Variants in PPP2R3A observed in about 807,000 individuals in gnomAD.
The protein encoded by PPP2R3A is serine/threonine-protein phosphatase 2A regulatory subunit B'' subunit alpha.
Under a neutral mutation model 106.9 loss-of-function variants are expected in PPP2R3A, and 80 were observed. The ratio of observed to expected loss-of-function variants is 0.75; its 90% CI spans 0.62 to 0.90. PPP2R3A has a LOEUF of 0.90. PPP2R3A is among the 40% of genes least tolerant of loss of function. The pLI is 0.00. For synonymous variants in PPP2R3A, 483 were observed against 468.3 expected (o/e 1.03, Z -0.41); for missense variants, 1,386 against 1,350.4 (o/e 1.03, Z -0.41).
intron 2 of PPP2R3A, among the ~76,000 whole-genome samples, chr3:136,004,109 A>G (rs1299472438): frequency 6.6e-6 from 1 of 152,248 alleles, no homozygotes; most frequent in Non-Finnish European, 1.5e-5. Flanking sequence ...CTAAAGGGTA[A>G]GATTTGATTC....
intron 1 of PPP2R3A, among the ~76,000 whole-genome samples, chr3:135,978,607 G>A (rs919156582): frequency 6.6e-6 from 1 of 151,402 alleles, no homozygotes; most frequent in Non-Finnish European, 1.5e-5. Flanking sequence ...TTCATTTATT[G>A]GTAATAAAAA....
intron 10 of PPP2R3A, among the ~76,000 whole-genome samples, chr3:136,091,927 C>A (rs147946543): frequency 6.6e-6 from 1 of 152,160 alleles, no homozygotes; most frequent in Non-Finnish European, 1.5e-5. Context: ...AGATTTTGAA[C>A]TGTTTGTTAC....
chr3:136,092,971 C>G (rs1335453523), intron 10 of PPP2R3A, among the ~76,000 whole-genome samples: 5 of 152,038 alleles, frequency 3.3e-5, no homozygotes, highest in African/African-American at 4.8e-5. Context: ...GATCACAGCC[C>G]AAAATGTATG....
At chr3:136,143,406 G>C (rs1230920159) in intron 13 of PPP2R3A, among the ~76,000 whole-genome samples, 1 of 151,254 alleles carries the variant, frequency 6.6e-6, no homozygotes, top group Admixed American at 6.6e-5. Flanking sequence ...CAGGAGAATT[G>C]CTTGAACCCA....
intron 1 of PPP2R3A, among the ~76,000 whole-genome samples, chr3:135,977,606 GAGCATA>G (rs1937451101): frequency 6.7e-6 from 1 of 149,074 alleles, no homozygotes; most frequent in Non-Finnish European, 1.5e-5. Flanking sequence ...ATAAGTTAAA[GAGCATA>G]AAAAATATAA....
At chr3:135,992,941 G>A in intron 1 of PPP2R3A, among the ~76,000 whole-genome samples, 1 of 152,156 alleles carries the variant, frequency 6.6e-6, no homozygotes. Flanking sequence ...TGGAGAACCA[G>A]CCAAATATGT....
chr3:135,989,918 T>C (rs187781549), intron 1 of PPP2R3A, among the ~76,000 whole-genome samples: 3 of 152,324 alleles, frequency 2.0e-5, no homozygotes, highest in Admixed American at 2.0e-4. Context: ...TATGTGTATA[T>C]GTATATTTAA....
chr3:136,082,228 T>C, intron 7 of PPP2R3A, 37 bp from the exon 8 acceptor site: 3 of 1,527,662 alleles, frequency 2.0e-6, no homozygotes, highest in Non-Finnish European at 2.7e-6. Context: ...AGCTGCTTTT[T>C]CATAATGTTT....
chr3:135,967,102 A>G (rs537138668), intron 1 of PPP2R3A, among the ~76,000 whole-genome samples: 1 of 152,010 alleles, frequency 6.6e-6, no homozygotes, highest in Non-Finnish European at 1.5e-5. Flanking sequence ...TACACACACA[A>G]TTTATTTACA....
chr3:135,993,454 A>G (rs1444541486), intron 1 of PPP2R3A, among the ~76,000 whole-genome samples: 7 of 152,228 alleles, frequency 4.6e-5, no homozygotes, highest in Non-Finnish European at 1.5e-5. Flanking sequence ...AGGGTATAAA[A>G]TGGTAGAACC....
intron 2 of PPP2R3A, among the ~76,000 whole-genome samples, chr3:136,014,833 T>A (rs982270362): frequency 5.3e-5 from 8 of 152,180 alleles, no homozygotes; most frequent in African/African-American, 1.7e-4. Context: ...TCTTGCCTGA[T>A]TGCTCTGACT....
rs913181251 is a variant in PPP2R3A, at chr3:136,103,269, C to T, written c.3115C>T (p.Leu1039=). 6.3e-7 allele frequency: 1 copy of T among 1,597,432 alleles called. No individual in the cohort carries two copies. The highest frequency in any genetic ancestry group is 8.6e-7 in the Non-Finnish European group (1 of 1,168,654). Residue 1039 remains leucine, a synonymous_variant, in exon 12 of 14, where the codon CTA becomes TTA. Coordinates refer to ENST00000264977, the MANE Select transcript of PPP2R3A (RefSeq NM_002718.5). ...TTATTTTTATGTAGGCAAAATAACT[C>T]TAAGAGATCTGAAGAGGTGCAGAAT... ...VKPAVDGKIT[L]RDLKRCRMAH... is the part of the protein sequence containing the mutation.
intron 10 of PPP2R3A, among the ~76,000 whole-genome samples, chr3:136,094,500 G>A (rs886504340): frequency 6.6e-6 from 1 of 151,938 alleles, no homozygotes; most frequent in Admixed American, 6.6e-5. Context: ...CACACACTTG[G>A]GTATTAAACA....
At chr3:136,137,445 T>C (rs768861266) in intron 13 of PPP2R3A, among the ~76,000 whole-genome samples, 1 of 151,528 alleles carries the variant, frequency 6.6e-6, no homozygotes, top group Non-Finnish European at 1.5e-5. Context: ...TTATTGGACA[T>C]TTGGGCAGAT....
At chr3:136,024,501 G>A (rs1010757813) in intron 2 of PPP2R3A, among the ~76,000 whole-genome samples, 6 of 152,144 alleles carry the variant, frequency 3.9e-5, no homozygotes, top group African/African-American at 1.4e-4. Flanking sequence ...ACTAAGAAAA[G>A]CAGAACAGAA....
intron 13 of PPP2R3A, among the ~76,000 whole-genome samples, chr3:136,117,139 T>A (rs1937797656): frequency 6.6e-6 from 1 of 152,186 alleles, no homozygotes; most frequent in Admixed American, 6.5e-5. Context: ...GAATGACTAC[T>A]GGGTAAATAA....
chr3:136,055,011 C>G (rs1038573788), intron 5 of PPP2R3A, among the ~76,000 whole-genome samples: 2 of 152,076 alleles, frequency 1.3e-5, no homozygotes, highest in African/African-American at 4.8e-5. Context: ...GATTTAAAAC[C>G]TTAAAATGCT....
At position 136,145,371 on chromosome 3, in the gene PPP2R3A, G is replaced by A. The variant is rs1235704428; in HGVS notation, c.*205G>A. On this transcript the variant is annotated 3_prime_UTR_variant, in exon 14 of 14. Transcript: ENST00000264977. ...TCCAATTTGCCTCAAACCTCTTACG[G>A]AGCTTCTCCTCAGAAGTGGTACCAT... 4.3e-6 allele frequency: 2 copies of A among 465,396 alleles called. No individual in the cohort carries two copies. Among genetic ancestry groups the A allele is most frequent in the Non-Finnish European group, 7.2e-6 (2 of 277,280 alleles). 28.8% of individuals were successfully genotyped at this position (465,396 alleles called of 1,614,324 possible).
intron 1 of PPP2R3A, among the ~76,000 whole-genome samples, chr3:135,969,092 C>CATATATTTACATAAGT (rs1213792329): frequency 3.4e-4 from 52 of 152,156 alleles, no homozygotes; most frequent in African/African-American, 1.3e-3. Context: ...CACACAAACA[C>CATATATTTACATAAGT]ATATATTTAC....
Sources: gnomAD v4.1 joint callset for allele counts (sites outside exome capture counted in the v4.1 genomes callset) on GRCh38, gnomAD v4.1.1 for gene constraint, MANE v1.5 for transcripts, NCBI Gene and HGNC (gene_info 2026-07-23, HGNC 2026-07-21) for gene names.